The following CHSY3 variants were observed in gnomAD, a reference collection of about 807,000 sequenced individuals.
CHSY3 encodes the protein chondroitin sulfate synthase 3.
CHSY3 carries 35 observed loss-of-function variants against 67.2 expected under a neutral mutation model. The ratio of observed to expected loss-of-function variants is 0.52; its 90% CI spans 0.40 to 0.69. The LOEUF (loss-of-function observed/expected upper bound fraction) is 0.69. CHSY3 is among the 30% of genes least tolerant of loss of function. The pLI, the probability that CHSY3 is intolerant of heterozygous loss-of-function variation, is 0.00. For missense variants in CHSY3, 1,069 were observed against 1,138.5 expected (o/e 0.94, Z 0.88); for synonymous variants, 474 against 434.7 (o/e 1.09, Z -1.12).
At chr5:129,908,872 C>T (rs577164825) in intron 2 of CHSY3, among the ~76,000 whole-genome samples, 13 of 152,132 alleles carry the variant, frequency 8.5e-5, no homozygotes, top group African/African-American at 3.1e-4. Flanking sequence ...GAAAAGTAAA[C>T]TAATAGTGTA....
At chr5:130,012,151 A>G (rs1764082668) in intron 2 of CHSY3, among the ~76,000 whole-genome samples, 1 of 152,228 alleles carries the variant, frequency 6.6e-6, no homozygotes, top group South Asian at 2.1e-4. Flanking sequence ...AAGCAATCAT[A>G]AGCAAACAGA....
chr5:130,184,232 C>T lies in CHSY3; in HGVS notation c.1090C>T (p.Gln364Ter). Residue 364 changes from glutamine (Q) to a stop codon, truncating the protein, a stop_gained, in exon 3 of 3, where the codon CAA becomes TAA. Transcript: ENST00000305031. LOFTEE classifies it low-confidence loss of function (END_TRUNC). The part of the protein sequence containing the change: ...GTQCVWSYEM[Q>*]QLFHENYEHN... ...TTTTTTTAATTTTACTTTTCAGATG[C>T]AACAACTGTTCCATGAAAATTATGA... 1 of 1,496,184 alleles carries T rather than the reference C, an allele frequency of 6.7e-7. No homozygotes were observed. Among genetic ancestry groups the T allele is most frequent in the East Asian group, 2.3e-5 (1 of 42,562 alleles). 92.7% of individuals were successfully genotyped at this position (1,496,184 alleles called of 1,614,324 possible). A position where few individuals can be genotyped will look rare whatever the true frequency, so the allele number is the denominator to read the frequency against.
intron 2 of CHSY3, among the ~76,000 whole-genome samples, chr5:130,000,885 CTTT>C (rs545172978): frequency 8.0e-6 from 1 of 124,654 alleles, no homozygotes. Flanking sequence ...AGCCTGTCTT[CTTT>C]TTTTTTTTTT....
chr5:130,041,056 G>C (rs529872229), intron 2 of CHSY3, among the ~76,000 whole-genome samples: 4 of 152,060 alleles, frequency 2.6e-5, no homozygotes, highest in Admixed American at 1.3e-4. Context: ...TTGTGCTGTC[G>C]ATGCCCTTTA....
chr5:130,108,520 A>G (rs76156199), intron 2 of CHSY3, among the ~76,000 whole-genome samples: 4,829 of 151,796 alleles, frequency 0.032, 226 homozygotes, highest in Admixed American at 0.078. Flanking sequence ...TCAAGATTTC[A>G]TGAAATGGTA....
chr5:130,101,730 G>T (rs10463863), intron 2 of CHSY3, among the ~76,000 whole-genome samples: 26,854 of 151,850 alleles, frequency 0.18, 2,891 homozygotes, highest in East Asian at 0.37. Flanking sequence ...TTACATTTAG[G>T]TAGATATGTA....
intron 2 of CHSY3, among the ~76,000 whole-genome samples, chr5:130,091,581 G>GA (rs980103067): frequency 6.6e-6 from 1 of 152,156 alleles, no homozygotes; most frequent in East Asian, 1.9e-4. Context: ...ATGAATGGCT[G>GA]AAAAAAATCA....
At position 129,904,552 on chromosome 5, in the gene CHSY3, TGCC is replaced by T; in HGVS notation, c.-272_-270del. 3 of 361,826 alleles carry T rather than the reference TGCC, an allele frequency of 8.3e-6. No individual in the cohort carries two copies. Among genetic ancestry groups the T allele is most frequent in the African/African-American group, 2.1e-5 (1 of 46,658 alleles). 22.4% of individuals were successfully genotyped at this position (361,826 alleles called of 1,614,324 possible). On this transcript the variant is annotated 5_prime_UTR_variant, in exon 1 of 3. Transcript: ENST00000305031. ...CTGCAGCTCCTCCAGCTGCCGCTGC[TGCC>T]GCCGCTGCCGCCACCGCCGCCGCCG... is the stretch of plus-strand genomic sequence containing the variant.
At position 130,185,318 on chromosome 5, in the gene CHSY3, G is replaced by A; in HGVS notation, c.2176G>A (p.Asp726Asn). 1 of 1,611,350 alleles carries A rather than the reference G, an allele frequency of 6.2e-7. No individual in the cohort carries two copies. The highest frequency in any genetic ancestry group is 8.5e-7 in the Non-Finnish European group (1 of 1,177,548). Reference sequence around the variant, plus strand: ...TGATGTTGACTTGATCTTCAGAGAAGATTTTCTCCAACGATGTAGAGACAA... The same window carrying A: ...TGATGTTGACTTGATCTTCAGAGAAAATTTTCTCCAACGATGTAGAGACAA... ...FCDVDLIFRE[D>N]FLQRCRDNTI... The change falls in exon 3 of 3, where the codon GAT becomes AAT. Residue 726 changes from aspartate to asparagine, a missense_variant. This residue lies in a region of CHSY3 where 401 missense variants were observed against 395.2 expected (regional missense o/e 1.01). Transcript: ENST00000305031.
chr5:130,172,541 G>A (rs1288583679), intron 2 of CHSY3, among the ~76,000 whole-genome samples: 3 of 151,940 alleles, frequency 2.0e-5, no homozygotes, highest in Non-Finnish European at 4.4e-5. Context: ...ATGTTGCCCA[G>A]GCTGGTCTCA....
chr5:130,091,144 G>GCACA (rs142056276), intron 2 of CHSY3, among the ~76,000 whole-genome samples: 2,874 of 136,862 alleles, frequency 0.021, 28 homozygotes, highest in African/African-American at 0.039. Context: ...ACGCACACGC[G>GCACA]CGCACACACA....
At chr5:129,995,067 C>T (rs1763495756) in intron 2 of CHSY3, among the ~76,000 whole-genome samples, 1 of 151,930 alleles carries the variant, frequency 6.6e-6, no homozygotes, top group Non-Finnish European at 1.5e-5. Context: ...AGACTTTCAC[C>T]AGCAGTGTAT....
At chr5:130,006,938 C>T (rs1243505189) in intron 2 of CHSY3, among the ~76,000 whole-genome samples, 2 of 152,172 alleles carry the variant, frequency 1.3e-5, no homozygotes, top group Non-Finnish European at 2.9e-5. Context: ...CATTATGCCA[C>T]ACTACCTCGG....
chr5:130,074,454 G>A (rs760835489), intron 2 of CHSY3, among the ~76,000 whole-genome samples: 7 of 152,104 alleles, frequency 4.6e-5, no homozygotes, highest in Non-Finnish European at 8.8e-5. Context: ...GAATAAAACC[G>A]TTAAAACATA....
At chr5:130,069,147 C>G (rs981018639) in intron 2 of CHSY3, among the ~76,000 whole-genome samples, 1 of 151,972 alleles carries the variant, frequency 6.6e-6, no homozygotes, top group African/African-American at 2.4e-5. Context: ...AGAGGCAAAA[C>G]AGTGCAAGTT....
intron 2 of CHSY3, among the ~76,000 whole-genome samples, chr5:130,136,809 A>G (rs1768679525): frequency 6.6e-6 from 1 of 152,210 alleles, no homozygotes; most frequent in African/African-American, 2.4e-5. Context: ...ATAAAGATTT[A>G]TTTAAAATAT....
rs149037853 is a variant in CHSY3, at chr5:129,906,482, G to T, written c.802+851G>T. Among the ~76,000 whole-genome samples the T allele has an allele frequency of 8.0e-3, 1,219 of 152,306 alleles. 14 individuals are homozygous for T. Among genetic ancestry groups the T allele is most frequent in the African/African-American group, 0.028 (1,161 of 41,576 alleles). On this transcript the variant is annotated intron_variant, in intron 1 of 2. Transcript: ENST00000305031. ...TTGTTGGCCGCGGTGATAAGCAGAG[G>T]CTGGAAGTCCTTCCCAGAACCACAG...
At chr5:130,144,389 T>TA (rs79816975) in intron 2 of CHSY3, among the ~76,000 whole-genome samples, 229 of 151,138 alleles carry the variant, frequency 1.5e-3, no homozygotes, top group Middle Eastern at 0.014. Flanking sequence ...CACTGTCAAG[T>TA]AAAAAAAAAT....
chr5:129,916,371 G>A (rs1039714844), intron 2 of CHSY3, among the ~76,000 whole-genome samples: 3 of 152,128 alleles, frequency 2.0e-5, no homozygotes, highest in East Asian at 1.9e-4. Context: ...CCCAAACCGC[G>A]GAGCACAGAA....
Sources: allele counts gnomAD v4.1 joint callset (sites outside exome capture counted in the v4.1 genomes callset), GRCh38; gene constraint gnomAD v4.1.1; regional missense constraint gnomAD v4.1.1; transcripts MANE v1.5; gene names NCBI Gene and HGNC (gene_info 2026-07-23, HGNC 2026-07-21).